Variants in PPP1R12B observed in about 807,000 individuals in gnomAD.
PPP1R12B encodes protein phosphatase 1 regulatory subunit 12B, also known as myosin phosphatase target subunit 2.
A neutral mutation model predicts 126.1 loss-of-function variants in PPP1R12B; 76 were observed. The ratio of observed to expected loss-of-function variants is 0.60; its 90% CI spans 0.50 to 0.73. PPP1R12B has a LOEUF of 0.73. Ranked by LOEUF, PPP1R12B falls within the 30% of genes least tolerant of loss-of-function variation. The pLI is 0.00. For synonymous variants in PPP1R12B, 356 were observed against 434.7 expected (o/e 0.82, Z 2.25); for missense variants, 1,052 against 1,205.1 (o/e 0.87, Z 1.88).
rs1390681114 is a variant in PPP1R12B at position 202,586,967 on chromosome 1, A to AACTC, written c.*6409_*6412dup. On this transcript the variant is annotated 3_prime_UTR_variant, in exon 24 of 24. Coordinates refer to ENST00000608999, the MANE Select transcript of PPP1R12B (RefSeq NM_002481.4). ...TGGCATATACTTGATTACAAATGAA[A>AACTC]ACTCAGAAACCAATTTTATTTATTA... The AACTC allele has an allele frequency of 6.6e-6, 1 of 152,206 alleles. No individual in the cohort carries two copies. The highest frequency in any genetic ancestry group is 2.1e-4 in the South Asian group (1 of 4,832). The allele number at this position is 152,206 out of a possible 1,614,324, so 9.4% of individuals were successfully genotyped here. A position where few individuals can be genotyped will look rare whatever the true frequency, so the allele number is the denominator to read the frequency against.
chr1:202,587,107 G>A lies in PPP1R12B; in HGVS notation c.*6547G>A, dbSNP rs914094547. 2 of 151,912 alleles carry A rather than the reference G, an allele frequency of 1.3e-5. No individual in the cohort carries two copies. Among genetic ancestry groups the A allele is most frequent in the Admixed American group, 6.6e-5 (1 of 15,260 alleles). The allele number at this position is 151,912 out of a possible 1,614,324, so 9.4% of individuals were successfully genotyped here. A position where few individuals can be genotyped will look rare whatever the true frequency, so the allele number is the denominator to read the frequency against. The stretch of plus-strand genomic sequence containing the variant: ...TGAATCTGCCAGAGTGATATTTTCT[G>A]TTATTTCTCCTCCAAATTTTTCCCT... On this transcript the variant is annotated 3_prime_UTR_variant, in exon 24 of 24. Coordinates refer to ENST00000608999, the MANE Select transcript of PPP1R12B (RefSeq NM_002481.4).
At chr1:202,534,281 A>G (rs1490625254) in intron 18 of PPP1R12B, among the ~76,000 whole-genome samples, 2 of 152,214 alleles carry the variant, frequency 1.3e-5, no homozygotes, top group Non-Finnish European at 1.5e-5. Flanking sequence ...GATCAGGCTC[A>G]TTTTCTTTCC....
At chr1:202,563,278 G>A (rs149918746) in intron 20 of PPP1R12B, among the ~76,000 whole-genome samples, 4 of 152,092 alleles carry the variant, frequency 2.6e-5, no homozygotes, top group African/African-American at 9.6e-5. Context: ...CACCACACAC[G>A]GCTACATTTT....
At chr1:202,435,642 T>A (rs996524603) in intron 9 of PPP1R12B, among the ~76,000 whole-genome samples, 1 of 152,220 alleles carries the variant, frequency 6.6e-6, no homozygotes, top group Non-Finnish European at 1.5e-5. Flanking sequence ...GACCCTGCTC[T>A]ACAAAGTATA....
intron 23 of PPP1R12B, chr1:202,574,952 G>T (rs771306355): frequency 9.3e-6 from 14 of 1,512,782 alleles, no homozygotes; most frequent in Admixed American, 8.8e-5. Flanking sequence ...GGTCTGTCTT[G>T]TCTCTCTCTG....
chr1:202,548,776 GTCTCTC>G (rs1196499777), intron 18 of PPP1R12B, among the ~76,000 whole-genome samples: 34 of 98,912 alleles, frequency 3.4e-4, no homozygotes, highest in Middle Eastern at 5.6e-3. Flanking sequence ...CTCGCTCGCT[GTCTCTC>G]TCTCTCTCTC....
In PPP1R12B at chr1:202,548,375, T is replaced by G. The variant is rs568768725; in HGVS notation, c.2491-10502T>G. Among the ~76,000 whole-genome samples the G allele has an allele frequency of 1.2e-3, 180 of 152,304 alleles. 1 individual carries two copies. Among genetic ancestry groups the G allele is most frequent in the African/African-American group, 3.4e-3 (142 of 41,576 alleles). On this transcript the variant is annotated intron_variant, in intron 18 of 23. Transcript: ENST00000608999. ...GTTTTGTTTTGTTTTGTTTTGTTTT[T>G]TTTGAGACAGGATCTCGCTCTGTCA... is the stretch of plus-strand genomic sequence containing the variant.
chr1:202,411,558 G>A lies in PPP1R12B; in HGVS notation c.292-5229G>A, dbSNP rs1460010020. On this transcript the variant is annotated intron_variant, in intron 1 of 23. Coordinates refer to ENST00000608999, the MANE Select transcript of PPP1R12B (RefSeq NM_002481.4). The stretch of plus-strand genomic sequence containing the variant: ...CTATAAGGTACTGGGGGTGGGAGGG[G>A]AGGGCTGTGATCATTGAGGACTAAG... Among the ~76,000 whole-genome samples the A allele has an allele frequency of 2.6e-5, 4 of 151,008 alleles. No individual in the cohort carries two copies. In the South Asian group the frequency reaches 8.4e-4, roughly 32 times the overall value.
chr1:202,503,471 G>C (rs1162497444), intron 18 of PPP1R12B, among the ~76,000 whole-genome samples: 1 of 152,192 alleles, frequency 6.6e-6, no homozygotes, highest in Admixed American at 6.5e-5. Context: ...TTAGATGTAG[G>C]AATCTGCAAT....
intron 13 of PPP1R12B, among the ~76,000 whole-genome samples, chr1:202,449,676 C>T (rs183997804): frequency 3.3e-5 from 5 of 151,448 alleles, no homozygotes; most frequent in East Asian, 2.0e-4. Context: ...CACTTAACGC[C>T]GTTATGGATT....
At position 202,493,252 on chromosome 1, in the gene PPP1R12B, T is replaced by A. The variant is rs760244487; in HGVS notation, c.2080T>A (p.Ser694Thr). 1 of 1,612,968 alleles carries A rather than the reference T, an allele frequency of 6.2e-7. No homozygotes were observed. Among genetic ancestry groups the A allele is most frequent in the South Asian group, 1.1e-5 (1 of 91,034 alleles). The change falls in exon 15 of 24, where the codon TCA (serine) becomes ACA (threonine). Residue 694 changes from serine (S) to threonine (T), a missense_variant. Transcript: ENST00000608999. ...GGGGAGCCCTGAGAAGCATGAGCCC[T>A]CAGCAGTTCCAGCAACAGAAGCTGG... is the stretch of plus-strand genomic sequence containing the variant. The part of the protein sequence containing the change: ...LEGSPEKHEP[S>T]AVPATEAGEG...
intron 18 of PPP1R12B, among the ~76,000 whole-genome samples, chr1:202,511,886 C>G (rs1489334675): frequency 1.3e-5 from 2 of 150,936 alleles, no homozygotes; most frequent in Non-Finnish European, 2.9e-5. Context: ...AAGCAATTCT[C>G]CTGCCTCTGC....
chr1:202,544,168 G>A (rs1209240564), intron 18 of PPP1R12B, among the ~76,000 whole-genome samples: 1 of 151,944 alleles, frequency 6.6e-6, no homozygotes, highest in South Asian at 2.1e-4. Flanking sequence ...CATACAATTA[G>A]TAGTAAAACT....
At chr1:202,435,192 A>G (rs545902569) in intron 9 of PPP1R12B, among the ~76,000 whole-genome samples, 1 of 152,194 alleles carries the variant, frequency 6.6e-6, no homozygotes, top group Admixed American at 6.5e-5. Context: ...ATATAGTCAC[A>G]TTGGGAATTA....
chr1:202,431,637 A>G lies in PPP1R12B; in HGVS notation c.1141+18A>G. 3.8e-6 allele frequency: 6 copies of G among 1,596,876 alleles called. No individual in the cohort carries two copies. Among genetic ancestry groups the G allele is most frequent in the Non-Finnish European group, 4.3e-6 (5 of 1,173,480 alleles). ...GGAGGCAGGTAATGCAAAGATGTTC[A>G]TAGTGAAGATCCTCTATCTCCATAG... is the stretch of plus-strand genomic sequence containing the variant. On this transcript the variant is annotated intron_variant, in intron 8 of 23. Coordinates refer to ENST00000608999, the MANE Select transcript of PPP1R12B (RefSeq NM_002481.4).
chr1:202,495,161 C>T (rs1679383989), intron 15 of PPP1R12B, 132 bp from the exon 16 acceptor site: 1 of 577,450 alleles, frequency 1.7e-6, no homozygotes, highest in Admixed American at 3.8e-5. Flanking sequence ...TGCCTATTAC[C>T]AGGTACTCAA....
Position 202,556,958 on chromosome 1 carries a change from C to G in PPP1R12B, c.2491-1919C>G, listed in dbSNP as rs554451970. Among the ~76,000 whole-genome samples the G allele has an allele frequency of 8.5e-5, 13 of 152,300 alleles. No individual in the cohort carries two copies. The South Asian group carries it at 2.7e-3, about 32-fold the overall frequency. On this transcript the variant is annotated intron_variant, in intron 18 of 23. Coordinates refer to ENST00000608999, the MANE Select transcript of PPP1R12B (RefSeq NM_002481.4). Reference sequence around the variant, plus strand: ...CTAATGAGTGACATAGCCCATAGCCCAGGATCTCAGCTTCACTTGGATACT... The same window carrying G: ...CTAATGAGTGACATAGCCCATAGCCGAGGATCTCAGCTTCACTTGGATACT...
At chr1:202,458,352 G>A (rs1379681677) in intron 13 of PPP1R12B, among the ~76,000 whole-genome samples, 1 of 108,434 alleles carries the variant, frequency 9.2e-6, no homozygotes, top group Non-Finnish European at 2.1e-5. Flanking sequence ...TGGGACGTGG[G>A]AGTGGTTAGG....
intron 8 of PPP1R12B, among the ~76,000 whole-genome samples, chr1:202,433,150 C>T (rs1670391333): frequency 6.6e-6 from 1 of 152,142 alleles, no homozygotes; most frequent in Non-Finnish European, 1.5e-5. Flanking sequence ...ATTGTAGTAC[C>T]TGTCAGAATT....
Sources: allele counts gnomAD v4.1 joint callset (sites outside exome capture counted in the v4.1 genomes callset), GRCh38; gene constraint gnomAD v4.1.1; transcripts MANE v1.5; gene names NCBI Gene and HGNC (gene_info 2026-07-23, HGNC 2026-07-21).